The following SPECC1 variants were observed in gnomAD, a reference collection of about 807,000 sequenced individuals.
The protein encoded by SPECC1 is sperm antigen with calponin homology and coiled-coil domains 1, also known as cytospin-B.
In SPECC1, 62 loss-of-function variants were observed where a neutral mutation model predicts 104.1. The ratio of observed to expected loss-of-function variants is 0.60; its 90% confidence interval spans 0.49 to 0.74. The LOEUF (loss-of-function observed/expected upper bound fraction) is 0.74, where lower values mean the gene tolerates loss of function less well. SPECC1 is among the 30% of genes least tolerant of loss of function. SPECC1 has a pLI of 0.00. For synonymous variants in SPECC1, 513 were observed against 501.6 expected, an observed-to-expected ratio of 1.02 and a Z score of -0.30; for missense variants, 1,306 against 1,310.5, an observed-to-expected ratio of 1.00 and a Z score of 0.05.
intron 3 of SPECC1, among the ~76,000 whole-genome samples, chr17:20,117,108 A>G (rs1231936066): frequency 6.6e-6 from 1 of 152,036 alleles, no homozygotes; most frequent in Non-Finnish European, 1.5e-5. Context: ...TGCAGAATAC[A>G]CTGGAAGATT....
intron 3 of SPECC1, among the ~76,000 whole-genome samples, chr17:20,140,596 C>T (rs1481235071): frequency 6.6e-6 from 1 of 152,156 alleles, no homozygotes; most frequent in Non-Finnish European, 1.5e-5. Flanking sequence ...AACAAATATG[C>T]TTGACTCTTA....
intron 3 of SPECC1, among the ~76,000 whole-genome samples, chr17:20,169,854 A>G (rs536876051): frequency 1.3e-5 from 2 of 152,274 alleles, no homozygotes; most frequent in East Asian, 3.9e-4. Flanking sequence ...TACCTCTTGA[A>G]TGTGTTGCGC....
At chr17:20,050,724 C>A (rs1251467711) in intron 1 of SPECC1, among the ~76,000 whole-genome samples, 1 of 152,134 alleles carries the variant, frequency 6.6e-6, no homozygotes, top group Admixed American at 6.5e-5. Flanking sequence ...GTAAAATTGT[C>A]AGAGGACAGT....
At chr17:20,227,290 G>T in intron 4 of SPECC1, 123 bp from the exon 5 acceptor site, 1 of 783,786 alleles carries the variant, frequency 1.3e-6, no homozygotes, top group Non-Finnish European at 2.1e-6. Flanking sequence ...GATTGAAGAG[G>T]TTCATGTTCA....
intron 7 of SPECC1, among the ~76,000 whole-genome samples, chr17:20,244,803 A>C (rs987824220): frequency 6.6e-6 from 1 of 152,256 alleles, no homozygotes; most frequent in African/African-American, 2.4e-5. Flanking sequence ...CTTGCAAAAC[A>C]GCTGTGGCAA....
At chr17:20,100,754 A>C (rs1385947270) in intron 2 of SPECC1, among the ~76,000 whole-genome samples, 1 of 152,168 alleles carries the variant, frequency 6.6e-6, no homozygotes, top group Non-Finnish European at 1.5e-5. Flanking sequence ...CCTATCAACC[A>C]GTCATCTAGA....
At chr17:20,170,629 A>G (rs1310481589) in intron 3 of SPECC1, among the ~76,000 whole-genome samples, 3 of 152,162 alleles carry the variant, frequency 2.0e-5, no homozygotes, top group Non-Finnish European at 4.4e-5. Flanking sequence ...TCAGTCTTTC[A>G]TAAGTATTTG....
chr17:20,241,030 C>T (rs543411880), intron 7 of SPECC1, among the ~76,000 whole-genome samples: 12 of 152,222 alleles, frequency 7.9e-5, no homozygotes, highest in Admixed American at 1.3e-4. Context: ...GCCCCAGGTC[C>T]GTGTCTGAAT....
In SPECC1 at chr17:20,153,548, CAA is replaced by C. The variant is rs999026553; in HGVS notation, c.283+42987_283+42988del. 6.6e-5 allele frequency among the ~76,000 whole-genome samples: 10 copies of C among 152,224 alleles called. No homozygotes were observed. The South Asian group carries it at 1.2e-3, about 19-fold the overall frequency. On this transcript the variant is annotated intron_variant, in intron 3 of 14. Transcript: ENST00000395527. ...TTGTGAAGCAAAGATGCAGCAAAGACAAGAGAGGCAAAGTCTGGAAAATGTTA... is the reference window on the plus strand; with the variant it reads ...TTGTGAAGCAAAGATGCAGCAAAGACGAGAGGCAAAGTCTGGAAAATGTTA...
chr17:20,158,698 C>T (rs1268903066), intron 3 of SPECC1, among the ~76,000 whole-genome samples: 2 of 152,216 alleles, frequency 1.3e-5, no homozygotes, highest in East Asian at 3.8e-4. Flanking sequence ...CTCGTGGTGC[C>T]AACAGCTGGA....
At chr17:20,095,089 G>A (rs535097018) in intron 1 of SPECC1, among the ~76,000 whole-genome samples, 54 of 152,214 alleles carry the variant, frequency 3.5e-4, no homozygotes, top group African/African-American at 1.2e-3. Context: ...ATTTTATATT[G>A]GGAGGAGGTC....
At chr17:20,109,144 A>T (rs1049825010) in intron 2 of SPECC1, among the ~76,000 whole-genome samples, 3 of 152,216 alleles carry the variant, frequency 2.0e-5, no homozygotes, top group Non-Finnish European at 2.9e-5. Flanking sequence ...AATTTAAATG[A>T]TGCAAAGATG....
In SPECC1 at chr17:20,232,231, C is replaced by A. The variant is rs200795652; in HGVS notation, c.2177C>A (p.Ala726Glu). ...EETEEWRRFQ[A>E]DLQTAVVVAN... is the part of the protein sequence containing the mutation. ...ACCGAGGAATGGAGGCGGTTCCAGG[C>A]GGATCTGCAGACCGCAGTGGTGGTG... The change falls in exon 7 of 15, where the codon GCG becomes GAG. Residue 726 changes from alanine to glutamate, a missense_variant. Ala to Glu is a moderately radical substitution (Grantham distance 107). This residue lies in a region of SPECC1 where 1,177 missense variants were observed against 1,139.9 expected (regional missense o/e 1.03). Coordinates refer to ENST00000395527, the MANE Select transcript of SPECC1 (RefSeq NM_001243439.2). 7 of 1,613,972 alleles carry A rather than the reference C, an allele frequency of 4.3e-6. No individual in the cohort carries two copies. Among genetic ancestry groups the A allele is most frequent in the Non-Finnish European group, 5.9e-6 (7 of 1,180,028 alleles).
intron 6 of SPECC1, 112 bp downstream of exon 6, chr17:20,231,943 G>T: frequency 8.6e-7 from 1 of 1,168,270 alleles, no homozygotes; most frequent in Non-Finnish European, 1.3e-6. Context: ...CGGCATGGTG[G>T]GCCCTGGAAC....
chr17:20,148,913 G>T (rs1049852324), intron 3 of SPECC1, among the ~76,000 whole-genome samples: 6 of 152,018 alleles, frequency 3.9e-5, no homozygotes, highest in Non-Finnish European at 7.4e-5. Flanking sequence ...TAGAGACGGG[G>T]TTTCACCATG....
intron 4 of SPECC1, among the ~76,000 whole-genome samples, chr17:20,226,688 A>C (rs2038227873): frequency 6.6e-6 from 1 of 152,196 alleles, no homozygotes; most frequent in Non-Finnish European, 1.5e-5. Flanking sequence ...TTAACAATTA[A>C]AAAATTGAAC....
At chr17:20,292,948 G>C (rs1238609572) in intron 12 of SPECC1, among the ~76,000 whole-genome samples, 1 of 152,206 alleles carries the variant, frequency 6.6e-6, no homozygotes, top group Non-Finnish European at 1.5e-5. Context: ...CTGAAAGCCG[G>C]TGCTTTTGGG....
chr17:20,241,750 T>C (rs539705134), intron 7 of SPECC1, among the ~76,000 whole-genome samples: 26 of 152,370 alleles, frequency 1.7e-4, no homozygotes, highest in Non-Finnish European at 3.2e-4. Flanking sequence ...TTAGAAGATA[T>C]TGTTTGACAC....
intron 3 of SPECC1, among the ~76,000 whole-genome samples, chr17:20,145,815 G>C (rs2031399490): frequency 1.3e-5 from 2 of 152,248 alleles, no homozygotes; most frequent in Non-Finnish European, 2.9e-5. Context: ...GGAAATGGCT[G>C]ATAGGTAGTC....
Sources: allele counts gnomAD v4.1 joint callset (sites outside exome capture counted in the v4.1 genomes callset), GRCh38; gene constraint gnomAD v4.1.1; regional missense constraint gnomAD v4.1.1; transcripts MANE v1.5; gene names NCBI Gene and HGNC (gene_info 2026-07-23, HGNC 2026-07-21).